CREB5: variants seen among roughly 807,000 people sequenced by gnomAD.
The protein encoded by CREB5 is cyclic AMP-responsive element-binding protein 5.
CREB5 carries 19 observed loss-of-function variants against 57.1 expected under a neutral mutation model. That is an observed-to-expected ratio of 0.33 (90% CI 0.23 to 0.49). CREB5 has a LOEUF of 0.49. Among genes scored for constraint, CREB5 ranks in the 20% least tolerant of loss-of-function variants. The probability of loss-of-function intolerance (pLI) is 0.99; values close to 1 mark genes in which losing one functional copy is unlikely to be tolerated. For missense variants in CREB5, 579 were observed against 671.6 expected, an observed-to-expected ratio of 0.86 and a Z score of 1.52; for synonymous variants, 238 against 238.3, an observed-to-expected ratio of 1.00 and a Z score of 0.01.
intron 1 of CREB5, among the ~76,000 whole-genome samples, chr7:28,486,235 C>A (rs1237955254): frequency 6.6e-6 from 1 of 152,086 alleles, no homozygotes; most frequent in Non-Finnish European, 1.5e-5. Flanking sequence ...CAAGTCTTTT[C>A]ACTTTGTGCT....
intron 7 of CREB5, among the ~76,000 whole-genome samples, chr7:28,785,918 A>G (rs970890626): frequency 5.9e-5 from 9 of 152,220 alleles, no homozygotes; most frequent in African/African-American, 2.2e-4. Flanking sequence ...TTAAAGGGTC[A>G]TATGGAAACC....
chr7:28,569,113 C>T (rs1046193563), intron 4 of CREB5, among the ~76,000 whole-genome samples: 2 of 151,846 alleles, frequency 1.3e-5, no homozygotes, highest in Admixed American at 6.6e-5. Flanking sequence ...TTGCCCTTAC[C>T]TATTACTTTG....
At chr7:28,590,342 G>A (rs1441210250) in intron 5 of CREB5, among the ~76,000 whole-genome samples, 1 of 151,914 alleles carries the variant, frequency 6.6e-6, no homozygotes, top group Admixed American at 6.6e-5. Context: ...GGAATACTAT[G>A]CAGCCATAAA....
intron 5 of CREB5, among the ~76,000 whole-genome samples, chr7:28,602,061 C>A (rs1410044893): frequency 1.3e-5 from 2 of 151,776 alleles, no homozygotes; most frequent in South Asian, 4.1e-4. Flanking sequence ...TGCATAAGGG[C>A]AATCTTTTTA....
intron 7 of CREB5, among the ~76,000 whole-genome samples, chr7:28,788,301 T>C (rs541192458): frequency 3.3e-5 from 5 of 152,292 alleles, no homozygotes; most frequent in African/African-American, 1.2e-4. Context: ...TTGCCAAATG[T>C]CACCCAAAGG....
At chr7:28,408,247 C>G (rs1046209801), upstream of CREB5, among the ~76,000 whole-genome samples, 2 of 152,182 alleles carry the variant, frequency 1.3e-5, no homozygotes, top group Non-Finnish European at 2.9e-5. Context: ...CTTCTGGTAC[C>G]CGGGTTGGTG....
intron 4 of CREB5, among the ~76,000 whole-genome samples, chr7:28,551,965 T>C (rs1794676227): frequency 4.8e-5 from 7 of 147,048 alleles, no homozygotes; most frequent in African/African-American, 1.8e-4. Flanking sequence ...TTCTCTTTTT[T>C]ATTCTCTCTT....
chr7:28,686,409 C>A (rs1166632580), intron 5 of CREB5, among the ~76,000 whole-genome samples: 1 of 151,018 alleles, frequency 6.6e-6, no homozygotes, highest in East Asian at 2.0e-4. Flanking sequence ...TTTCTTTTCA[C>A]TTCGATCAGA....
At chr7:28,718,916 T>G in intron 6 of CREB5, 37 bp downstream of exon 6, 2 of 1,613,296 alleles carry the variant, frequency 1.2e-6, no homozygotes, top group Non-Finnish European at 1.7e-6. Context: ...AGCTTGTCAC[T>G]TGCACTGAGG....
At chr7:28,599,602 C>G (rs1435103174) in intron 5 of CREB5, among the ~76,000 whole-genome samples, 4 of 152,152 alleles carry the variant, frequency 2.6e-5, no homozygotes, top group African/African-American at 9.7e-5. Flanking sequence ...AACCATGCGC[C>G]CCTATGTGTA....
intron 1 of CREB5, among the ~76,000 whole-genome samples, chr7:28,328,982 C>G (rs754888000): frequency 9.8e-5 from 15 of 152,324 alleles, no homozygotes; most frequent in Non-Finnish European, 1.8e-4. Flanking sequence ...CTTACCCTCT[C>G]CTTTCTGAGA....
intron 7 of CREB5, among the ~76,000 whole-genome samples, chr7:28,754,433 T>C (rs1343372084): frequency 1.3e-5 from 2 of 152,202 alleles, no homozygotes; most frequent in African/African-American, 4.8e-5. Context: ...AACATCTACG[T>C]TGGCCACCTG....
rs559617997 is a variant in CREB5, at chr7:28,473,189, G to A, written c.4-14986G>A. 7.2e-5 allele frequency among the ~76,000 whole-genome samples: 11 copies of A among 152,236 alleles called. No homozygotes were observed. In the South Asian group the frequency reaches 2.3e-3, roughly 32 times the overall value. ...AATAAAAAATTAGCCAGGTGCAGTG[G>A]TGCATACCTATGGTCCCAGCTACTT... is the stretch of plus-strand genomic sequence containing the variant. On this transcript the variant is annotated intron_variant, in intron 1 of 10. Transcript: ENST00000357727.
intron 7 of CREB5, among the ~76,000 whole-genome samples, chr7:28,798,365 A>T (rs968638540): frequency 8.4e-5 from 12 of 142,810 alleles, no homozygotes; most frequent in Non-Finnish European, 1.5e-4. Context: ...TAAATTGCCC[A>T]GGGTGGGTGT....
intron 1 of CREB5, among the ~76,000 whole-genome samples, chr7:28,329,011 T>C (rs550251762): frequency 1.3e-4 from 20 of 152,224 alleles, no homozygotes; most frequent in Non-Finnish European, 2.2e-4. Flanking sequence ...TCATCTGTTC[T>C]TTTGTTATGT....
intron 4 of CREB5, among the ~76,000 whole-genome samples, chr7:28,560,907 T>TGTGTGTGC (rs1345229998): frequency 2.3e-5 from 1 of 42,722 alleles, no homozygotes; most frequent in Non-Finnish European, 4.1e-5. Context: ...CGTGCGCGCG[T>TGTGTGTGC]GCGTGTGCGT....
At chr7:28,524,885 A>C (rs1793376570) in intron 4 of CREB5, among the ~76,000 whole-genome samples, 1 of 152,216 alleles carries the variant, frequency 6.6e-6, no homozygotes, top group Non-Finnish European at 1.5e-5. Flanking sequence ...GTTGTTAACT[A>C]TAGTTACCAT....
intron 5 of CREB5, among the ~76,000 whole-genome samples, chr7:28,689,947 T>TG (rs56770524): frequency 6.8e-5 from 10 of 147,260 alleles, no homozygotes; most frequent in African/African-American, 2.3e-4. Context: ...TGTGTGTGTG[T>TG]TGTTTTTGTC....
intron 1 of CREB5, among the ~76,000 whole-genome samples, chr7:28,303,485 G>A (rs1370175528): frequency 6.6e-6 from 1 of 152,242 alleles, no homozygotes; most frequent in Non-Finnish European, 1.5e-5. Flanking sequence ...GGATTTTAAT[G>A]TAGAGAGGCT....
Sources: allele counts gnomAD v4.1 joint callset (sites outside exome capture counted in the v4.1 genomes callset), GRCh38; gene constraint gnomAD v4.1.1; transcripts MANE v1.5; gene names NCBI Gene and HGNC (gene_info 2026-07-23, HGNC 2026-07-21).